TMTC2: variants seen among roughly 807,000 people sequenced by gnomAD.
TMTC2 encodes protein O-mannosyl-transferase TMTC2.
A neutral mutation model predicts 82.4 loss-of-function variants in TMTC2; 43 were observed. The ratio of observed to expected loss-of-function variants is 0.52; its 90% CI spans 0.41 to 0.67. The LOEUF is 0.67. Among genes scored for constraint, TMTC2 ranks in the 30% least tolerant of loss-of-function variants. The probability of loss-of-function intolerance (pLI) is 0.00; values close to 1 mark genes in which losing one functional copy is unlikely to be tolerated. For synonymous variants in TMTC2, 408 were observed against 381.9 expected (o/e 1.07, Z -0.80); for missense variants, 919 against 1,012.4 (o/e 0.91, Z 1.25).
rs543600445 is a variant in TMTC2 at position 82,801,283 on chromosome 12, G to C, written c.84-55727G>C. ...TTTGTTCTTTCCTCCCGGTGGGTTT[G>C]TGGTCTCCCTGGCTCAGGAGTGAAA... is the stretch of plus-strand genomic sequence containing the variant. On this transcript the variant is annotated intron_variant, in intron 1 of 11. Coordinates refer to ENST00000321196, the MANE Select transcript of TMTC2 (RefSeq NM_152588.3). 5.9e-5 allele frequency among the ~76,000 whole-genome samples: 9 copies of C among 152,216 alleles called. No individual in the cohort carries two copies. The South Asian group carries it at 1.9e-3, about 32-fold the overall frequency.
intron 1 of TMTC2, among the ~76,000 whole-genome samples, chr12:82,740,838 G>C (rs1875364455): frequency 6.6e-6 from 1 of 152,190 alleles, no homozygotes; most frequent in Admixed American, 6.5e-5. Flanking sequence ...CTCAGAAGGG[G>C]AAGCTAAAAG....
intron 2 of TMTC2, among the ~76,000 whole-genome samples, chr12:82,878,292 T>A (rs1030049840): frequency 6.6e-6 from 1 of 152,186 alleles, no homozygotes; most frequent in Non-Finnish European, 1.5e-5. Flanking sequence ...GATAATAAGA[T>A]TAAGATTGTA....
intron 8 of TMTC2, among the ~76,000 whole-genome samples, chr12:83,009,470 A>G (rs1009568968): frequency 1.6e-4 from 25 of 152,146 alleles, no homozygotes; most frequent in Admixed American, 6.5e-4. Context: ...GCAGGTCTCC[A>G]CTATGATTCT....
At chr12:82,767,826 C>A (rs1447769342) in intron 1 of TMTC2, among the ~76,000 whole-genome samples, 2 of 152,118 alleles carry the variant, frequency 1.3e-5, no homozygotes, top group African/African-American at 2.4e-5. Context: ...CTTCAGTAAA[C>A]CATTTCCTTA....
intron 11 of TMTC2, among the ~76,000 whole-genome samples, chr12:83,080,099 C>T (rs1025204021): frequency 6.6e-6 from 1 of 152,150 alleles, no homozygotes; most frequent in Non-Finnish European, 1.5e-5. Flanking sequence ...CTGATTGACA[C>T]AGTAACTCCC....
chr12:83,025,824 G>A (rs1037260033), intron 8 of TMTC2, among the ~76,000 whole-genome samples: 5 of 152,146 alleles, frequency 3.3e-5, no homozygotes, highest in Non-Finnish European at 5.9e-5. Context: ...TTATTACAGA[G>A]GATATTTTAA....
chr12:83,003,644 G>A (rs571763547), intron 8 of TMTC2, among the ~76,000 whole-genome samples: 1 of 152,226 alleles, frequency 6.6e-6, no homozygotes, highest in South Asian at 2.1e-4. Flanking sequence ...ACATGGCTGA[G>A]AAGGATTTTA....
At chr12:83,101,846 C>T (rs2137534098) in intron 11 of TMTC2, among the ~76,000 whole-genome samples, 1 of 152,298 alleles carries the variant, frequency 6.6e-6, no homozygotes. Flanking sequence ...GGAAGACAGA[C>T]TTTCTGACCC....
chr12:83,014,433 C>T (rs530511201), intron 8 of TMTC2, among the ~76,000 whole-genome samples: 35 of 152,170 alleles, frequency 2.3e-4, no homozygotes, highest in Non-Finnish European at 2.1e-4. Context: ...TCCGCCTCCC[C>T]GCTTCAAGTG....
intron 8 of TMTC2, among the ~76,000 whole-genome samples, chr12:83,019,601 A>G (rs573280782): frequency 4.5e-4 from 69 of 152,232 alleles, no homozygotes; most frequent in African/African-American, 1.6e-3. Context: ...CCTACCCACT[A>G]AACTTGGCTT....
At chr12:83,108,000 A>G (rs1592496850) in intron 11 of TMTC2, among the ~76,000 whole-genome samples, 1 of 151,238 alleles carries the variant, frequency 6.6e-6, no homozygotes, top group Non-Finnish European at 1.5e-5. Flanking sequence ...AGTGTGTAGA[A>G]CCTCCCACTT....
chr12:82,758,739 A>G (rs149937443), intron 1 of TMTC2: 2 of 152,214 alleles, frequency 1.3e-5, no homozygotes, highest in Non-Finnish European at 2.9e-5. Context: ...CCATTAGCAT[A>G]AGAATAGCTT....
At chr12:82,913,215 A>C (rs1874802825) in intron 3 of TMTC2, among the ~76,000 whole-genome samples, 1 of 152,126 alleles carries the variant, frequency 6.6e-6, no homozygotes, top group South Asian at 2.1e-4. Context: ...ATTTTGAGAT[A>C]GTTTTTGAGG....
At chr12:82,700,529 G>A (rs1456398281) in intron 1 of TMTC2, among the ~76,000 whole-genome samples, 1 of 152,090 alleles carries the variant, frequency 6.6e-6, no homozygotes, top group Non-Finnish European at 1.5e-5. Context: ...TAATGATTTT[G>A]TAATTGAAAT....
chr12:83,106,047 C>A (rs933603325), intron 11 of TMTC2, among the ~76,000 whole-genome samples: 1 of 152,010 alleles, frequency 6.6e-6, no homozygotes, highest in Admixed American at 6.6e-5. Context: ...AATCAAAACT[C>A]AATGATTAAA....
intron 1 of TMTC2, among the ~76,000 whole-genome samples, chr12:82,789,652 G>A (rs1357228734): frequency 6.6e-6 from 1 of 152,124 alleles, no homozygotes; most frequent in Non-Finnish European, 1.5e-5. Context: ...GTGAACAAAG[G>A]CAGAGAATCT....
intron 11 of TMTC2, among the ~76,000 whole-genome samples, chr12:83,104,523 T>G (rs56152198): frequency 0.2 from 31,130 of 152,176 alleles, 3,439 homozygotes; most frequent in Admixed American, 0.29. Context: ...AGCTTGCATT[T>G]GCCAAAGTAG....
At chr12:82,989,640 G>A (rs1879316865) in intron 8 of TMTC2, among the ~76,000 whole-genome samples, 1 of 151,264 alleles carries the variant, frequency 6.6e-6, no homozygotes, top group Non-Finnish European at 1.5e-5. Flanking sequence ...TTAGACCATG[G>A]CACTCGATAT....
At chr12:82,784,866 C>G (rs1878096699) in intron 1 of TMTC2, among the ~76,000 whole-genome samples, 1 of 151,026 alleles carries the variant, frequency 6.6e-6, no homozygotes, top group Non-Finnish European at 1.5e-5. Context: ...TCACTGATTT[C>G]CTTGCGTGTG....
Sources: allele counts gnomAD v4.1 joint callset (sites outside exome capture counted in the v4.1 genomes callset), GRCh38; gene constraint gnomAD v4.1.1; transcripts MANE v1.5; gene names NCBI Gene and HGNC (gene_info 2026-07-23, HGNC 2026-07-21).